KLHL38: variants seen among roughly 807,000 people sequenced by gnomAD.
KLHL38 encodes kelch-like protein 38.
A neutral mutation model predicts 39.6 loss-of-function variants in KLHL38; 38 were observed. That is an observed-to-expected ratio of 0.96 (90% confidence interval 0.74 to 1.26). The LOEUF (loss-of-function observed/expected upper bound fraction) is 1.26. Ranked by LOEUF, KLHL38 falls within the 50% of genes most tolerant of loss-of-function variation. The pLI is 0.00. For missense variants in KLHL38, 803 were observed against 748.1 expected (o/e 1.07, Z -0.86); for synonymous variants, 322 against 302.2 (o/e 1.07, Z -0.68).
chr8:123,649,166 C>T (rs983252259), intron 2 of KLHL38, among the ~76,000 whole-genome samples: 1 of 152,038 alleles, frequency 6.6e-6, no homozygotes, highest in Non-Finnish European at 1.5e-5. Context: ...GGCAGTTTTG[C>T]AATGTGAAAT....
chr8:123,652,102 A>G lies in KLHL38; in HGVS notation c.825T>C (p.His275=). Residue 275 remains histidine, a synonymous_variant, in exon 2 of 4, where the codon CAT becomes CAC. Transcript: ENST00000684634. ...TTVPDCKLLL[H]VPPRNSYQDF... ...CTTGGTAAGAGTTTCTTGGAGGGAC[A>G]TGCAACAGGAGTTTGCAGTCTGGGA... The G allele has an allele frequency of 3.1e-6, 5 of 1,614,222 alleles. No individual in the cohort carries two copies. Among genetic ancestry groups the G allele is most frequent in the East Asian group, 2.2e-5 (1 of 44,880 alleles).
rs777000926 is a variant in KLHL38 at position 123,652,608 on chromosome 8, C to T, written c.319G>A (p.Val107Met). 11 of 1,614,086 alleles carry T rather than the reference C, an allele frequency of 6.8e-6. No individual in the cohort carries two copies. Among genetic ancestry groups the T allele is most frequent in the South Asian group, 3.3e-5 (3 of 91,082 alleles). ...AHIATDNVLP[V>M]MEAASMLQFP... Reference sequence around the variant, plus strand: ...TGTAGCATGGAGGCGGCCTCCATCACGGGGAGGACATTGTCAGTGGCAATA... The same window carrying T: ...TGTAGCATGGAGGCGGCCTCCATCATGGGGAGGACATTGTCAGTGGCAATA... The change falls in exon 2 of 4, where the codon GTG becomes ATG. Residue 107 changes from valine (V) to methionine (M), a missense_variant. Coordinates refer to ENST00000684634, the MANE Select transcript of KLHL38 (RefSeq NM_001081675.3).
chr8:123,647,770 G>T (rs1279791897), intron 2 of KLHL38, among the ~76,000 whole-genome samples: 1 of 152,200 alleles, frequency 6.6e-6, no homozygotes, highest in Non-Finnish European at 1.5e-5. Context: ...TTGCTAGAAA[G>T]TCTTTTCCTA....
At chr8:123,646,061 T>A (rs773820418) in intron 3 of KLHL38, 33 bp from the exon 4 acceptor site, 30 of 1,599,028 alleles carry the variant, frequency 1.9e-5, no homozygotes, top group Non-Finnish European at 2.6e-5. Flanking sequence ...GCAAGCTCAG[T>A]GTTGCTCATC....
chr8:123,646,179 G>T, intron 3 of KLHL38, 151 bp from the exon 4 acceptor site: 1 of 706,894 alleles, frequency 1.4e-6, no homozygotes, highest in Non-Finnish European at 2.4e-6. Flanking sequence ...ACCTGCCAAG[G>T]CCTGCTTTGT....
At chr8:123,650,574 G>A (rs1198680066) in intron 2 of KLHL38, among the ~76,000 whole-genome samples, 1 of 152,008 alleles carries the variant, frequency 6.6e-6, no homozygotes, top group Non-Finnish European at 1.5e-5. Context: ...TACATCTCGT[G>A]GATGCTTCTG....
rs768361866 is a variant in KLHL38 at position 123,652,109 on chromosome 8, A to C, written c.818T>G (p.Leu273Arg). The change falls in exon 2 of 4, where the codon CTG becomes CGG. Residue 273 changes from leucine (L) to arginine (R), a missense_variant. Leu to Arg is a moderately radical substitution (Grantham distance 102). Transcript: ENST00000684634. ...CGTTVPDCKL[L>R]LHVPPRNSYQ... ...AGAGTTTCTTGGAGGGACATGCAAC[A>C]GGAGTTTGCAGTCTGGGACGGTGGT... 4 of 1,614,068 alleles carry C rather than the reference A, an allele frequency of 2.5e-6. No individual in the cohort carries two copies. The African/African-American group carries it at 4.0e-5, about 16-fold the overall frequency.
intron 2 of KLHL38, among the ~76,000 whole-genome samples, chr8:123,649,679 G>A (rs10505438): frequency 0.11 from 16,492 of 152,204 alleles, 1,141 homozygotes; most frequent in South Asian, 0.24. Flanking sequence ...CATCTCCACA[G>A]ATATCCATCC....
At chr8:123,646,857 A>G (rs1818672076) in intron 3 of KLHL38, 52 bp downstream of exon 3, 1 of 1,290,054 alleles carries the variant, frequency 7.8e-7, no homozygotes, top group Non-Finnish European at 1.1e-6. Flanking sequence ...CCTTTTTTCC[A>G]TAGAAGGTGC....
intron 3 of KLHL38, among the ~76,000 whole-genome samples, chr8:123,646,285 C>T (rs1818664787): frequency 6.6e-6 from 1 of 152,250 alleles, no homozygotes; most frequent in African/African-American, 2.4e-5. Flanking sequence ...GAGCGGCCTC[C>T]TGATTCCTGT....
Position 123,651,686 on chromosome 8 carries a change from A to G in KLHL38, c.1241T>C (p.Met414Thr), listed in dbSNP as rs2129752173. The G allele has an allele frequency of 6.2e-7, 1 of 1,614,140 alleles. No individual in the cohort carries two copies. Among genetic ancestry groups the G allele is most frequent in the African/African-American group, 1.3e-5 (1 of 75,054 alleles). The change falls in exon 2 of 4, where the codon ATG becomes ACG. Residue 414 changes from methionine (M) to threonine (T), a missense_variant. Transcript: ENST00000684634. ...GAGCACCCCCACGGGCATGCTGGCC[A>G]TACTCTCCCAGACATTGCAGATGCT... ...YDSICNVWESMASMPVGVLHP... is the reference protein window; with the variant it reads ...YDSICNVWESTASMPVGVLHP...
At position 123,652,005 on chromosome 8, in the gene KLHL38, G is replaced by T. The variant is rs755523078; in HGVS notation, c.922C>A (p.Gln308Lys). The T allele has an allele frequency of 1.2e-6, 2 of 1,614,268 alleles. No homozygotes were observed. Among genetic ancestry groups the T allele is most frequent in the Admixed American group, 1.7e-5 (1 of 60,032 alleles). The change falls in exon 2 of 4, where the codon CAG (glutamine) becomes AAG (lysine). Residue 308 changes from glutamine (Q) to lysine (K), a missense_variant. Transcript: ENST00000684634. ...GCAAGGCTCTGCCATTGGCCGGTCT[G>T]TTTGCTGTACAGTAGGACGTCCCTG... ...TTRDVLLYSK[Q>K]TGQWQSLAKL...
rs773448573 is a variant in KLHL38, at chr8:123,651,718, C to A, written c.1209G>T (p.Arg403Ser). ...EGQELMGSME[R>S]YDSICNVWES... ...CCCAGACATTGCAGATGCTGTCATACCTTTCCATGGAGCCCATGAGCTCCT... is the reference window on the plus strand; with the variant it reads ...CCCAGACATTGCAGATGCTGTCATAACTTTCCATGGAGCCCATGAGCTCCT... Residue 403 changes from arginine (R) to serine (S), a missense_variant, in exon 2 of 4, where the codon AGG becomes AGT. Arg to Ser is a moderately radical substitution (Grantham distance 110, BLOSUM62 -1). Coordinates refer to ENST00000684634, the MANE Select transcript of KLHL38 (RefSeq NM_001081675.3). 2 of 1,614,222 alleles carry A rather than the reference C, an allele frequency of 1.2e-6. No individual in the cohort carries two copies. Among genetic ancestry groups the A allele is most frequent in the Non-Finnish European group, 8.5e-7 (1 of 1,180,040 alleles).
At position 123,651,765 on chromosome 8, in the gene KLHL38, T is replaced by A. The variant is rs777908053; in HGVS notation, c.1162A>T (p.Ile388Phe). Residue 388 changes from isoleucine to phenylalanine, a missense_variant, in exon 2 of 4, where the codon ATC becomes TTC. Coordinates refer to ENST00000684634, the MANE Select transcript of KLHL38 (RefSeq NM_001081675.3). ...TCCTGCCCTTCTCCAATCCCCCCGATGGAGAAGATGAAGTTCTTATGGGCA... is the reference window on the plus strand; with the variant it reads ...TCCTGCCCTTCTCCAATCCCCCCGAAGGAGAAGATGAAGTTCTTATGGGCA... ...STAHKNFIFS[I>F]GGIGEGQELM... 5 of 1,614,116 alleles carry A rather than the reference T, an allele frequency of 3.1e-6. No homozygotes were observed. In the South Asian group the frequency reaches 4.4e-5, roughly 14 times the overall value.
chr8:123,651,196 CAT>C (rs1221845274), intron 2 of KLHL38, among the ~76,000 whole-genome samples: 1 of 152,178 alleles, frequency 6.6e-6, no homozygotes, highest in African/African-American at 2.4e-5. Context: ...CATGGGTGCA[CAT>C]GTGTGTGCAT....
rs1364254968 is a variant in KLHL38, at chr8:123,652,747, C to T, written c.180G>A (p.Arg60=). The T allele has an allele frequency of 1.2e-6, 2 of 1,614,148 alleles. No homozygotes were observed. Among genetic ancestry groups the T allele is most frequent in the East Asian group, 2.2e-5 (1 of 44,870 alleles). Residue 60 remains arginine (R), a synonymous_variant, in exon 2 of 4, where the codon AGG becomes AGA. Coordinates refer to ENST00000684634, the MANE Select transcript of KLHL38 (RefSeq NM_001081675.3). ...CCCGGAAGCTGCTGCAGAACATAGC[C>T]CTGAAGTAGGGGCTGCTGGAGGCCA... ...NVLASSSPYF[R]AMFCSSFREK...
At chr8:123,647,369 A>G (rs1818681123) in intron 2 of KLHL38, among the ~76,000 whole-genome samples, 1 of 152,162 alleles carries the variant, frequency 6.6e-6, no homozygotes, top group Non-Finnish European at 1.5e-5. Context: ...TTTTCTGATC[A>G]TTTTTTATTT....
In KLHL38 at chr8:123,652,113, G is replaced by A; in HGVS notation, c.814C>T (p.Leu272Phe). 1 of 1,614,208 alleles carries A rather than the reference G, an allele frequency of 6.2e-7. No homozygotes were observed. Among genetic ancestry groups the A allele is most frequent in the African/African-American group, 1.3e-5 (1 of 75,046 alleles). Reference protein sequence around the residue: ...LCGTTVPDCKLLLHVPPRNSY... With the variant: ...LCGTTVPDCKFLLHVPPRNSY... ...TTTCTTGGAGGGACATGCAACAGGAGTTTGCAGTCTGGGACGGTGGTGCCA... is the reference window on the plus strand; with the variant it reads ...TTTCTTGGAGGGACATGCAACAGGAATTTGCAGTCTGGGACGGTGGTGCCA... The change falls in exon 2 of 4, where the codon CTC becomes TTC. Residue 272 changes from leucine (L) to phenylalanine (F), a missense_variant. By Grantham distance (22) the Leu-to-Phe change is conservative. Transcript: ENST00000684634.
In KLHL38 at chr8:123,652,179, T is replaced by G; in HGVS notation, c.748A>C (p.Ile250Leu). 1 of 1,614,138 alleles carries G rather than the reference T, an allele frequency of 6.2e-7. No homozygotes were observed. Among genetic ancestry groups the G allele is most frequent in the Non-Finnish European group, 8.5e-7 (1 of 1,180,024 alleles). Residue 250 changes from isoleucine (I) to leucine (L), a missense_variant, in exon 2 of 4, where the codon ATC becomes CTC. By Grantham distance (5) the Ile-to-Leu change is conservative. Coordinates refer to ENST00000684634, the MANE Select transcript of KLHL38 (RefSeq NM_001081675.3). The stretch of plus-strand genomic sequence containing the variant: ...TGTCTCTTGGCGGTCTCCAAGATGA[T>G]CTGGCATGCAGGCGAGGACTGCAGG... ...ALLQSSPACQIILETAKRQMF... is the reference protein window; with the variant it reads ...ALLQSSPACQLILETAKRQMF...
Sources: gnomAD v4.1 joint callset for allele counts (sites outside exome capture counted in the v4.1 genomes callset) on GRCh38, gnomAD v4.1.1 for gene constraint, MANE v1.5 for transcripts, NCBI Gene and HGNC (gene_info 2026-07-23, HGNC 2026-07-21) for gene names.